GGT5: variants seen among roughly 807,000 people sequenced by gnomAD.
GGT5 encodes the protein gamma-glutamyltransferase 5, also known as glutathione hydrolase 5 proenzyme.
Under a neutral mutation model 58.1 loss-of-function variants are expected in GGT5, and 50 were observed. That is an observed-to-expected ratio of 0.86 (90% confidence interval 0.69 to 1.09). GGT5 has a LOEUF of 1.09. Ranked by LOEUF, GGT5 falls within the 50% of genes least tolerant of loss-of-function variation. The pLI is 0.00. For missense variants in GGT5, 800 were observed against 789.4 expected, an observed-to-expected ratio of 1.01 and a Z score of -0.16; for synonymous variants, 370 against 346.1, an observed-to-expected ratio of 1.07 and a Z score of -0.77.
intron 1 of GGT5, among the ~76,000 whole-genome samples, chr22:24,239,327 A>T (rs1433703761): frequency 6.6e-6 from 1 of 151,832 alleles, no homozygotes; most frequent in Non-Finnish European, 1.5e-5. Flanking sequence ...CGACAGAGCG[A>T]GACTCTGTCT....
intron 5 of GGT5, 140 bp downstream of exon 5, chr22:24,231,911 T>C (rs2047953408): frequency 2.8e-6 from 2 of 702,778 alleles, no homozygotes; most frequent in South Asian, 3.6e-5. Context: ...CCGGCAGAGC[T>C]AGGTGCATGG....
At chr22:24,228,048 C>CAAATAAAAA (rs2047820510) in intron 6 of GGT5, among the ~76,000 whole-genome samples, 1 of 22,052 alleles carries the variant, frequency 4.5e-5, no homozygotes, top group African/African-American at 1.5e-4. Flanking sequence ...GACTCTGTCT[C>CAAATAAAAA]AAAAAAAAAA....
At position 24,222,874 on chromosome 22, in the gene GGT5, G is replaced by A. The variant is rs553767191; in HGVS notation, c.1614+2122C>T. On this transcript the variant is annotated intron_variant, in intron 11 of 11. Transcript: ENST00000327365. ...GGGCGGATCACAAGGTCAGGAGATC[G>A]AGACCATCCTGGCTAACACGGTGAA... Among the ~76,000 whole-genome samples, 620 of 151,046 alleles carry A rather than the reference G, an allele frequency of 4.1e-3. 3 individuals carry two copies. The highest frequency in any genetic ancestry group is 5.9e-3 in the Non-Finnish European group (397 of 67,790).
At chr22:24,232,260 A>C (rs1601404049) in intron 4 of GGT5, 52 bp from the exon 5 acceptor site, 2 of 1,113,000 alleles carry the variant, frequency 1.8e-6, no homozygotes, top group East Asian at 2.7e-5. Context: ...AGGCAGCCAC[A>C]CTCTTCCGGG....
At chr22:24,232,761 A>T (rs2047982783) in intron 4 of GGT5, 62 bp downstream of exon 4, 2 of 1,182,596 alleles carry the variant, frequency 1.7e-6, no homozygotes, top group South Asian at 1.7e-5. Context: ...TGGGGTGTGG[A>T]CTGGGCCCAG....
chr22:24,220,187 C>A, intron 11 of GGT5, 71 bp from the exon 12 acceptor site: 1 of 1,462,040 alleles, frequency 6.8e-7, no homozygotes, highest in Admixed American at 2.0e-5. Context: ...GAGGCCTCTG[C>A]AAGAAATGAG....
intron 3 of GGT5, among the ~76,000 whole-genome samples, chr22:24,233,288 T>A (rs538006632): frequency 1.8e-3 from 275 of 152,274 alleles, no homozygotes; most frequent in African/African-American, 5.3e-3. Context: ...TCCAGCCTGG[T>A]CCCTCTCCCT....
intron 1 of GGT5, among the ~76,000 whole-genome samples, chr22:24,234,774 C>T (rs900933916): frequency 2.6e-5 from 4 of 152,138 alleles, no homozygotes; most frequent in Admixed American, 2.0e-4. Flanking sequence ...GAGCTGAAAT[C>T]ATGCCACTGC....
chr22:24,230,563 T>TTAATAA lies in GGT5; in HGVS notation c.901+815_901+820dup, dbSNP rs77986845. Among the ~76,000 whole-genome samples, 56 of 150,930 alleles carry TTAATAA rather than the reference T, an allele frequency of 3.7e-4. 1 individual carries two copies. The South Asian group carries it at 0.01, about 28-fold the overall frequency. ...ACAGAGCAAGACACCGTCTCAATAA[T>TTAATAA]TAATAATAATAATAATAATAATGCA... On this transcript the variant is annotated intron_variant, in intron 6 of 11. Coordinates refer to ENST00000327365, the MANE Select transcript of GGT5 (RefSeq NM_004121.5).
At chr22:24,234,971 C>T (rs768705185) in intron 1 of GGT5, among the ~76,000 whole-genome samples, 3 of 151,462 alleles carry the variant, frequency 2.0e-5, no homozygotes, top group Non-Finnish European at 4.4e-5. Flanking sequence ...CCCTGGGGCA[C>T]AGGCCTGCAC....
intron 6 of GGT5, among the ~76,000 whole-genome samples, chr22:24,231,050 C>T (rs1334067009): frequency 1.3e-5 from 2 of 152,206 alleles, no homozygotes; most frequent in African/African-American, 2.4e-5. Flanking sequence ...TTCGCTCCCC[C>T]AGGTGCACGC....
At chr22:24,221,302 A>T (rs1421339966) in intron 11 of GGT5, among the ~76,000 whole-genome samples, 2 of 151,984 alleles carry the variant, frequency 1.3e-5, no homozygotes, top group Non-Finnish European at 2.9e-5. Context: ...TTTAGGAGTC[A>T]CGCAGCTGAA....
chr22:24,222,187 C>G (rs1209440912), intron 11 of GGT5, among the ~76,000 whole-genome samples: 1 of 151,824 alleles, frequency 6.6e-6, no homozygotes, highest in African/African-American at 2.4e-5. Flanking sequence ...TCAACAACAA[C>G]AAGCCAAAAA....
chr22:24,236,762 CAAA>C (rs35357003), intron 1 of GGT5, among the ~76,000 whole-genome samples: 1 of 133,694 alleles, frequency 7.5e-6, no homozygotes, highest in Non-Finnish European at 1.6e-5. Flanking sequence ...GACTCCATCT[CAAA>C]AAAAAAAAAA....
chr22:24,232,076 C>T lies in GGT5; in HGVS notation c.729G>A (p.Met243Ile). The T allele has an allele frequency of 1.9e-6, 3 of 1,613,500 alleles. No individual in the cohort carries two copies. The highest frequency in any genetic ancestry group is 2.5e-6 in the Non-Finnish European group (3 of 1,179,706). ...CTTCCTTGGCAATGTCCTCCACCAG[C>T]ATCTGGCCCAGCCTCCCCGTGTAGA... ...EVFYTGRLGQ[M>I]LVEDIAKEGS... Residue 243 changes from methionine to isoleucine, a missense_variant, in exon 5 of 12, where the codon ATG becomes ATA. By Grantham distance (10) the Met-to-Ile change is conservative. Coordinates refer to ENST00000327365, the MANE Select transcript of GGT5 (RefSeq NM_004121.5).
chr22:24,230,046 A>G (rs959286949), intron 6 of GGT5, among the ~76,000 whole-genome samples: 3 of 151,932 alleles, frequency 2.0e-5, no homozygotes, highest in African/African-American at 7.2e-5. Flanking sequence ...CAGCCCGGCC[A>G]ACATGGTAAA....
At chr22:24,239,845 G>A (rs1248833882) in intron 1 of GGT5, among the ~76,000 whole-genome samples, 4 of 151,654 alleles carry the variant, frequency 2.6e-5, no homozygotes, top group Non-Finnish European at 5.9e-5. Flanking sequence ...ACTTTAGGAC[G>A]CCGAGGTAAG....
chr22:24,228,083 A>C (rs1037521096), intron 6 of GGT5, among the ~76,000 whole-genome samples: 2 of 149,450 alleles, frequency 1.3e-5, no homozygotes, highest in African/African-American at 2.5e-5. Context: ...AAAAAAAAAA[A>C]AACTCTGAAA....
chr22:24,240,513 G>A (rs1422185610), intron 1 of GGT5, among the ~76,000 whole-genome samples: 5 of 147,992 alleles, frequency 3.4e-5, no homozygotes, highest in African/African-American at 5.0e-5. Context: ...TTTTGAGATA[G>A]AGCCTCACTC....
Sources: allele counts gnomAD v4.1 joint callset (sites outside exome capture counted in the v4.1 genomes callset), GRCh38; gene constraint gnomAD v4.1.1; transcripts MANE v1.5; gene names NCBI Gene and HGNC (gene_info 2026-07-23, HGNC 2026-07-21).